SYNRG: variants seen among roughly 807,000 people sequenced by gnomAD.
SYNRG encodes AP1 gamma subunit binding protein 1.
SYNRG carries 37 observed loss-of-function variants against 130.9 expected under a neutral mutation model. The observed-to-expected ratio is 0.28, with a 90% CI of 0.22 to 0.37. The LOEUF (loss-of-function observed/expected upper bound fraction) is 0.37. Among genes scored for constraint, SYNRG ranks in the 10% least tolerant of loss-of-function variants. The pLI, the probability that SYNRG is intolerant of heterozygous loss-of-function variation, is 1.00. For missense variants in SYNRG, 1,338 were observed against 1,588.9 expected (o/e 0.84, Z 2.68); for synonymous variants, 539 against 568.1 (o/e 0.95, Z 0.73).
Position 37,561,236 on chromosome 17 carries a change from G to A in SYNRG, c.1622C>T (p.Ala541Val). Residue 541 changes from alanine to valine, a missense_variant, in exon 13 of 22, where the codon GCT becomes GTT. This residue lies in a region of SYNRG where 1,146 missense variants were observed against 1,342.3 expected (regional missense o/e 0.85). Transcript: ENST00000612223. The part of the protein sequence containing the change: ...PPGDPGDKYS[A>V]FRELEQTAEN... ...TGCTGTCTGTTCAAGTTCTCTGAAA[G>A]CACTATATTTATCACCAGGATCTAT... The A allele has an allele frequency of 6.2e-7, 1 of 1,613,856 alleles. No homozygotes were observed. Among genetic ancestry groups the A allele is most frequent in the Non-Finnish European group, 8.5e-7 (1 of 1,179,950 alleles).
chr17:37,535,793 G>C (rs552586050), intron 19 of SYNRG, among the ~76,000 whole-genome samples, 186 bp downstream of exon 19: 2 of 152,338 alleles, frequency 1.3e-5, no homozygotes, highest in Admixed American at 6.5e-5. Context: ...CTGGGCCTTA[G>C]AGAGATCAGA....
At chr17:37,561,331 T>C in intron 12 of SYNRG, 74 bp from the exon 13 acceptor site, 3 of 1,532,786 alleles carry the variant, frequency 2.0e-6, no homozygotes, top group African/African-American at 1.4e-5. Flanking sequence ...TGAGGCAGAT[T>C]GGTTTAACCA....
rs772380546 is a variant in SYNRG at position 37,609,375 on chromosome 17, T to C, written c.-20A>G. The C allele has an allele frequency of 2.1e-6, 3 of 1,411,266 alleles. No individual in the cohort carries two copies. Among genetic ancestry groups the C allele is most frequent in the Non-Finnish European group, 2.8e-6 (3 of 1,087,102 alleles). 87.4% of individuals were successfully genotyped at this position (1,411,266 alleles called of 1,614,324 possible). A position where few individuals can be genotyped will look rare whatever the true frequency, so the allele number is the denominator to read the frequency against. On this transcript the variant is annotated 5_prime_UTR_variant, in exon 1 of 22. Coordinates refer to ENST00000612223, the MANE Select transcript of SYNRG (RefSeq NM_007247.6). Reference sequence around the variant, plus strand: ...CGCCATCTTGCTCCCGACCTGCCGCTGCCTTCGCCGCCGCCACCTTATCAG... The same window carrying C: ...CGCCATCTTGCTCCCGACCTGCCGCCGCCTTCGCCGCCGCCACCTTATCAG...
Position 37,542,088 on chromosome 17 carries a change from C to G in SYNRG, c.3086G>C (p.Ser1029Thr), listed in dbSNP as rs1028682529. Residue 1029 changes from serine (S) to threonine (T), a missense_variant, in exon 15 of 22, where the codon AGT (serine) becomes ACT (threonine). By Grantham distance (58) the Ser-to-Thr change is moderately conservative. This residue lies in a region of SYNRG where 1,146 missense variants were observed against 1,342.3 expected (regional missense o/e 0.85). Transcript: ENST00000612223. ...ECSDDFGEFQ[S>T]EKPKISKFDF... ...AAATTTGCTGATTTTGGGCTTTTCA[C>G]TTTGAAACTCTCCAAAGTCATCCGA... 1.2e-6 allele frequency: 2 copies of G among 1,614,186 alleles called. No individual in the cohort carries two copies. The highest frequency in any genetic ancestry group is 2.2e-5 in the East Asian group (1 of 44,886).
chr17:37,570,920 T>C, intron 9 of SYNRG, 35 bp from the exon 10 acceptor site: 2 of 1,590,680 alleles, frequency 1.3e-6, no homozygotes, highest in South Asian at 1.1e-5. Context: ...ATTAGAGGAT[T>C]GTAAACCACA....
intron 19 of SYNRG, among the ~76,000 whole-genome samples, chr17:37,526,310 C>T (rs1598076997): frequency 6.6e-6 from 1 of 152,210 alleles, no homozygotes; most frequent in Non-Finnish European, 1.5e-5. Context: ...GAGATGGACA[C>T]ATAGCCTGAG....
chr17:37,529,220 C>T (rs547783935), intron 19 of SYNRG, among the ~76,000 whole-genome samples: 75 of 152,256 alleles, frequency 4.9e-4, no homozygotes, highest in African/African-American at 1.7e-3. Context: ...TAAGCGCCAC[C>T]GTATGTGAAC....
intron 18 of SYNRG, 59 bp from the exon 19 acceptor site, chr17:37,536,186 C>G (rs1369125085): frequency 1.1e-5 from 17 of 1,532,440 alleles, no homozygotes; most frequent in East Asian, 2.3e-5. Flanking sequence ...AGGACCCAGA[C>G]AGGGGAGCAT....
intron 1 of SYNRG, chr17:37,605,914 G>C: frequency 1.0e-6 from 1 of 985,334 alleles, no homozygotes; most frequent in Non-Finnish European, 1.2e-6. Flanking sequence ...CCTACATAAA[G>C]ACTTCCTAAT....
chr17:37,521,193 G>C (rs1308743855), intron 19 of SYNRG, among the ~76,000 whole-genome samples: 1 of 151,872 alleles, frequency 6.6e-6, no homozygotes. Flanking sequence ...ACCACGTCTG[G>C]TTAATTTTGT....
intron 1 of SYNRG, among the ~76,000 whole-genome samples, chr17:37,606,343 T>C (rs971045912): frequency 6.6e-6 from 1 of 152,224 alleles, no homozygotes; most frequent in Non-Finnish European, 1.5e-5. Context: ...TTACAGAATG[T>C]TTTTTATGTG....
intron 11 of SYNRG, among the ~76,000 whole-genome samples, chr17:37,564,640 A>G (rs1347929371): frequency 6.6e-6 from 1 of 152,192 alleles, no homozygotes; most frequent in Non-Finnish European, 1.5e-5. Context: ...CTTCTCTAAC[A>G]AGTAATGCCC....
chr17:37,600,384 C>A lies in SYNRG; in HGVS notation c.97G>T (p.Gly33Cys). 1 of 1,613,186 alleles carries A rather than the reference C, an allele frequency of 6.2e-7. No individual in the cohort carries two copies. The highest frequency in any genetic ancestry group is 8.5e-7 in the Non-Finnish European group (1 of 1,179,802). Residue 33 changes from glycine (G) to cysteine (C), a missense_variant, in exon 2 of 22, where the codon GGT becomes TGT. This residue lies in a region of SYNRG where 184 missense variants were observed against 217.2 expected (regional missense o/e 0.85). Transcript: ENST00000612223. ...ATACCTTGAGGGGGTCTTATCCCAC[C>A]TGCAACAGGAAACATGAAGCTGAAA... ...GGGGFMFPVAGGIRPPQAGLM... is the reference protein window; with the variant it reads ...GGGGFMFPVACGIRPPQAGLM...
At chr17:37,521,033 CTTT>C (rs66478744) in intron 19 of SYNRG, among the ~76,000 whole-genome samples, 26 of 126,310 alleles carry the variant, frequency 2.1e-4, no homozygotes, top group Admixed American at 4.8e-4. Flanking sequence ...TTTTTCTTTT[CTTT>C]TTTTTTTTTT....
At position 37,596,353 on chromosome 17, in the gene SYNRG, A is replaced by C. The variant is rs1598622806; in HGVS notation, c.119-9T>G. ...CATCGGCATCAGGCCTGCTGAAAAT[A>C]TAAAGACATTATTAAAGTCAATGTG... On this transcript the variant is annotated splice_polypyrimidine_tract_variant and intron_variant, in intron 2 of 21. Transcript: ENST00000612223. The C allele has an allele frequency of 6.2e-7, 1 of 1,613,376 alleles. No individual in the cohort carries two copies.
At chr17:37,532,293 T>C (rs918311652) in intron 19 of SYNRG, among the ~76,000 whole-genome samples, 9 of 152,216 alleles carry the variant, frequency 5.9e-5, no homozygotes, top group African/African-American at 2.2e-4. Context: ...CATAGGTGAT[T>C]CCATCCTACA....
chr17:37,575,840 CAA>C (rs1187221456), intron 8 of SYNRG, among the ~76,000 whole-genome samples: 12 of 63,360 alleles, frequency 1.9e-4, no homozygotes, highest in South Asian at 8.7e-4. Flanking sequence ...GACCTTGTCT[CAA>C]AAAAAAAAAA....
chr17:37,560,462 G>A (rs2145632597), intron 13 of SYNRG, among the ~76,000 whole-genome samples: 1 of 150,832 alleles, frequency 6.6e-6, no homozygotes, highest in East Asian at 2.0e-4. Context: ...TCAACCTCCT[G>A]AGCAGCTGGG....
chr17:37,578,364 A>T (rs2061022754), intron 6 of SYNRG, among the ~76,000 whole-genome samples: 1 of 152,108 alleles, frequency 6.6e-6, no homozygotes. Context: ...GAAATAATTC[A>T]ATCACTGCAC....
Sources: allele counts gnomAD v4.1 joint callset (sites outside exome capture counted in the v4.1 genomes callset), GRCh38; gene constraint gnomAD v4.1.1; regional missense constraint gnomAD v4.1.1; transcripts MANE v1.5; gene names NCBI Gene and HGNC (gene_info 2026-07-23, HGNC 2026-07-21).